PSMD1: variants seen among roughly 807,000 people sequenced by gnomAD.
The protein encoded by PSMD1 is 26S proteasome non-ATPase regulatory subunit 1.
A neutral mutation model predicts 119.0 loss-of-function variants in PSMD1; 18 were observed. The ratio of observed to expected loss-of-function variants is 0.15; its 90% CI spans 0.10 to 0.22. The LOEUF (loss-of-function observed/expected upper bound fraction) is 0.22. PSMD1 is among the 10% of genes least tolerant of loss of function. The pLI, the probability that PSMD1 is intolerant of heterozygous loss-of-function variation, is 1.00. For missense variants in PSMD1, 702 were observed against 1,158.5 expected (o/e 0.61, Z 5.72); for synonymous variants, 374 against 396.6 (o/e 0.94, Z 0.68).
chr2:231,071,792 A>G (rs1177202674), intron 6 of PSMD1, among the ~76,000 whole-genome samples: 3 of 152,194 alleles, frequency 2.0e-5, no homozygotes, highest in Admixed American at 1.3e-4. Flanking sequence ...GTCCTGGCCC[A>G]ACACAACACA....
intron 23 of PSMD1, among the ~76,000 whole-genome samples, chr2:231,167,887 A>C (rs1287141400): frequency 6.6e-6 from 1 of 152,238 alleles, no homozygotes; most frequent in African/African-American, 2.4e-5. Context: ...AGCACATGAA[A>C]AGATGCTCAA....
At chr2:231,146,496 A>G (rs1210665345) in intron 18 of PSMD1, 140 bp downstream of exon 18, 9 of 624,680 alleles carry the variant, frequency 1.4e-5, no homozygotes, top group Admixed American at 2.6e-5. Flanking sequence ...ATTTTAGAGT[A>G]TAAGAGAATG....
chr2:231,075,700 C>T (rs1463442562), intron 8 of PSMD1, 129 bp downstream of exon 8: 1 of 744,108 alleles, frequency 1.3e-6, no homozygotes, highest in Non-Finnish European at 2.1e-6. Context: ...CCACCTTAGC[C>T]TCCCAAGTAA....
intron 16 of PSMD1, among the ~76,000 whole-genome samples, chr2:231,106,986 A>T (rs1022394852): frequency 6.6e-6 from 1 of 152,194 alleles, no homozygotes; most frequent in Non-Finnish European, 1.5e-5. Context: ...AGAGACCAGA[A>T]CCAAAAACCA....
chr2:231,124,907 G>C (rs1208541310), intron 16 of PSMD1: 1 of 151,680 alleles, frequency 6.6e-6, no homozygotes, highest in African/African-American at 2.4e-5. Context: ...TATGATAGCA[G>C]AATTCTTGAA....
intron 16 of PSMD1, among the ~76,000 whole-genome samples, chr2:231,116,628 G>T (rs1239874943): frequency 6.6e-6 from 1 of 150,838 alleles, no homozygotes; most frequent in Non-Finnish European, 1.5e-5. Flanking sequence ...ACTCCTAATT[G>T]TGGGCTAAGA....
intron 17 of PSMD1, among the ~76,000 whole-genome samples, chr2:231,143,058 C>G (rs1028039426): frequency 6.6e-6 from 1 of 152,116 alleles, no homozygotes; most frequent in Non-Finnish European, 1.5e-5. Context: ...GCCTATTACT[C>G]TTTTCGTCCC....
At chr2:231,158,353 G>A (rs1696558627) in intron 19 of PSMD1, among the ~76,000 whole-genome samples, 1 of 152,102 alleles carries the variant, frequency 6.6e-6, no homozygotes, top group South Asian at 2.1e-4. Context: ...GAAAAATCTA[G>A]AGAGGGCAAC....
chr2:231,101,427 C>T (rs1312741200), intron 16 of PSMD1, among the ~76,000 whole-genome samples: 2 of 152,090 alleles, frequency 1.3e-5, no homozygotes, highest in African/African-American at 2.4e-5. Context: ...CCTACAATCA[C>T]TTCCAAGATT....
intron 16 of PSMD1, among the ~76,000 whole-genome samples, chr2:231,105,419 A>C (rs1297839719): frequency 6.6e-6 from 1 of 152,166 alleles, no homozygotes; most frequent in African/African-American, 2.4e-5. Flanking sequence ...CTCATTTGGA[A>C]GTGAGTAGAA....
At chr2:231,140,244 C>A in intron 17 of PSMD1, among the ~76,000 whole-genome samples, 1 of 150,996 alleles carries the variant, frequency 6.6e-6, no homozygotes. Flanking sequence ...ACCTGTAATC[C>A]CAGCACTTTG....
chr2:231,060,627 A>G (rs1198853563), intron 1 of PSMD1, among the ~76,000 whole-genome samples: 1 of 152,234 alleles, frequency 6.6e-6, no homozygotes, highest in Non-Finnish European at 1.5e-5. Flanking sequence ...CATATGGAGA[A>G]CACTGTGCTT....
chr2:231,138,358 T>G (rs1328819810), intron 16 of PSMD1, among the ~76,000 whole-genome samples: 2 of 152,218 alleles, frequency 1.3e-5, no homozygotes, highest in Non-Finnish European at 2.9e-5. Flanking sequence ...TTACTATAAA[T>G]GACTTTTGTC....
chr2:231,096,112 G>C (rs1475584688), intron 16 of PSMD1, among the ~76,000 whole-genome samples: 2 of 152,172 alleles, frequency 1.3e-5, no homozygotes, highest in African/African-American at 4.8e-5. Flanking sequence ...TCTTTCTAAT[G>C]CTTTTTCTTA....
chr2:231,078,793 T>G (rs749034139), intron 10 of PSMD1, 46 bp downstream of exon 10: 1 of 691,548 alleles, frequency 1.4e-6, no homozygotes, highest in South Asian at 2.6e-5. Flanking sequence ...ATCTTTTTCT[T>G]TTTTTTTTTT....
intron 16 of PSMD1, among the ~76,000 whole-genome samples, chr2:231,130,169 A>T (rs528815138): frequency 6.6e-6 from 1 of 152,374 alleles, no homozygotes; most frequent in Non-Finnish European, 1.5e-5. Context: ...AAAGAATAAA[A>T]TAAAGGAGAA....
At chr2:231,123,038 G>A (rs879691965) in intron 16 of PSMD1, among the ~76,000 whole-genome samples, 6 of 152,026 alleles carry the variant, frequency 3.9e-5, no homozygotes, top group Non-Finnish European at 8.8e-5. Flanking sequence ...TATCTGTCCC[G>A]GAAGTGTCCT....
intron 13 of PSMD1, among the ~76,000 whole-genome samples, 174 bp from the exon 14 acceptor site, chr2:231,083,393 G>A (rs1694360722): frequency 6.6e-6 from 1 of 152,168 alleles, no homozygotes; most frequent in Admixed American, 6.5e-5. Context: ...AACCCTAAAT[G>A]TATGAATGTG....
At chr2:231,075,877 C>T (rs190754716) in intron 8 of PSMD1, among the ~76,000 whole-genome samples, 321 of 152,148 alleles carry the variant, frequency 2.1e-3, no homozygotes, top group African/African-American at 7.0e-3. Flanking sequence ...GCCACCGAGC[C>T]AAGCCACCAT....
Sources: gnomAD v4.1 joint callset for allele counts (sites outside exome capture counted in the v4.1 genomes callset) on GRCh38, gnomAD v4.1.1 for gene constraint, MANE v1.5 for transcripts, NCBI Gene and HGNC (gene_info 2026-07-23, HGNC 2026-07-21) for gene names.